The following SETBP1 variants were observed in gnomAD, a reference collection of about 807,000 sequenced individuals.
SETBP1 encodes SET-binding protein.
A neutral mutation model predicts 101.0 loss-of-function variants in SETBP1; 9 were observed. That is an observed-to-expected ratio of 0.09 (90% CI 0.05 to 0.16). The LOEUF (loss-of-function observed/expected upper bound fraction) is 0.16, where lower values mean the gene tolerates loss of function less well. Among genes scored for constraint, SETBP1 ranks in the 10% least tolerant of loss-of-function variants. The probability of loss-of-function intolerance (pLI) is 1.00; values close to 1 mark genes in which losing one functional copy is unlikely to be tolerated. For synonymous variants in SETBP1, 818 were observed against 788.5 expected (o/e 1.04, Z -0.63); for missense variants, 1,858 against 2,033.8 (o/e 0.91, Z 1.66).
At chr18:44,948,129 C>T (rs947756216) in intron 3 of SETBP1, among the ~76,000 whole-genome samples, 1 of 152,158 alleles carries the variant, frequency 6.6e-6, no homozygotes. Flanking sequence ...CGGATTAATT[C>T]TCTATATGTT....
intron 3 of SETBP1, among the ~76,000 whole-genome samples, chr18:44,886,337 G>A (rs1460936910): frequency 2.6e-5 from 4 of 152,082 alleles, no homozygotes; most frequent in Non-Finnish European, 5.9e-5. Flanking sequence ...TACAAATGAA[G>A]GATTTTCAAT....
At chr18:44,718,971 C>T (rs192145917) in intron 2 of SETBP1, among the ~76,000 whole-genome samples, 1 of 152,172 alleles carries the variant, frequency 6.6e-6, no homozygotes, top group East Asian at 1.9e-4. Context: ...AGTCAAGAAA[C>T]ACCTTCAAGC....
At chr18:45,005,947 T>A (rs1402752123) in intron 4 of SETBP1, among the ~76,000 whole-genome samples, 3 of 113,122 alleles carry the variant, frequency 2.7e-5, no homozygotes, top group African/African-American at 7.1e-5. Flanking sequence ...CACCCGGCCT[T>A]TTTTTTTTTT....
chr18:44,787,495 A>G (rs532716520), intron 2 of SETBP1, among the ~76,000 whole-genome samples: 2 of 152,290 alleles, frequency 1.3e-5, no homozygotes, highest in Admixed American at 1.3e-4. Flanking sequence ...AAATACACAG[A>G]CATGGAGTTT....
At chr18:44,872,236 C>T (rs1467507473) in intron 3 of SETBP1, 1 of 152,000 alleles carries the variant, frequency 6.6e-6, no homozygotes, top group Non-Finnish European at 1.5e-5. Flanking sequence ...GCTTTTTTCC[C>T]TCTAATATAA....
chr18:44,936,954 G>C (rs2070971790), intron 3 of SETBP1, among the ~76,000 whole-genome samples: 1 of 152,128 alleles, frequency 6.6e-6, no homozygotes, highest in Non-Finnish European at 1.5e-5. Flanking sequence ...TGCTAGAAAT[G>C]CCCAACTGAG....
At chr18:44,845,335 G>A (rs1175011757) in intron 2 of SETBP1, among the ~76,000 whole-genome samples, 1 of 152,030 alleles carries the variant, frequency 6.6e-6, no homozygotes, top group Non-Finnish European at 1.5e-5. Flanking sequence ...CATTTCCCTC[G>A]GCCCCTTTGG....
Position 45,004,191 on chromosome 18 carries a change from G to A in SETBP1, c.4001-34294G>A, listed in dbSNP as rs188008728. On this transcript the variant is annotated intron_variant, in intron 4 of 5. Coordinates refer to ENST00000649279, the MANE Select transcript of SETBP1 (RefSeq NM_015559.3). ...ATGGCATAGGTGTGAACATAGCCCC[G>A]GCAAAATATATGCACTTCTGCCTTC... Among the ~76,000 whole-genome samples, 34 of 152,284 alleles carry A rather than the reference G, an allele frequency of 2.2e-4. No homozygotes were observed. In the East Asian group the frequency reaches 2.5e-3, roughly 11 times the overall value.
At chr18:44,891,530 G>C (rs967446250) in intron 3 of SETBP1, among the ~76,000 whole-genome samples, 1 of 152,056 alleles carries the variant, frequency 6.6e-6, no homozygotes, top group African/African-American at 2.4e-5. Flanking sequence ...TTATAATGGG[G>C]CTTTGCACCA....
At chr18:44,953,795 G>A (rs1332674355) in intron 4 of SETBP1, among the ~76,000 whole-genome samples, 3 of 152,204 alleles carry the variant, frequency 2.0e-5, no homozygotes, top group African/African-American at 2.4e-5. Context: ...CACATCTAAT[G>A]TGAGAAGTCT....
chr18:44,740,850 A>C (rs2070079998), intron 2 of SETBP1, among the ~76,000 whole-genome samples: 1 of 152,194 alleles, frequency 6.6e-6, no homozygotes, highest in Non-Finnish European at 1.5e-5. Flanking sequence ...TGAAGTGATG[A>C]TCTACATTCA....
At chr18:44,707,289 C>T (rs1349258075) in intron 2 of SETBP1, among the ~76,000 whole-genome samples, 1 of 152,204 alleles carries the variant, frequency 6.6e-6, no homozygotes, top group African/African-American at 2.4e-5. Flanking sequence ...GCATAATCTG[C>T]CACATTTTCC....
At chr18:45,043,129 G>C (rs1460353652) in intron 5 of SETBP1, among the ~76,000 whole-genome samples, 1 of 152,124 alleles carries the variant, frequency 6.6e-6, no homozygotes, top group Non-Finnish European at 1.5e-5. Flanking sequence ...TGATTTTCTA[G>C]ATGTTGAACT....
At chr18:44,986,171 A>G (rs954222969) in intron 4 of SETBP1, 3 of 152,232 alleles carry the variant, frequency 2.0e-5, no homozygotes, top group African/African-American at 7.2e-5. Context: ...CTCCTAGGAT[A>G]CAAACCTGCC....
intron 5 of SETBP1, among the ~76,000 whole-genome samples, chr18:45,045,342 C>T (rs1184368734): frequency 6.6e-6 from 1 of 152,092 alleles, no homozygotes; most frequent in Admixed American, 6.5e-5. Flanking sequence ...GAATCACTTG[C>T]ACCTGCTGAA....
chr18:44,886,754 T>TTTATTATTATTA (rs4024294), intron 3 of SETBP1, among the ~76,000 whole-genome samples: 253 of 143,088 alleles, frequency 1.8e-3, no homozygotes, highest in South Asian at 3.8e-3. Context: ...GACTGTACAT[T>TTTATTATTATTA]TTATTATTAT....
intron 5 of SETBP1, among the ~76,000 whole-genome samples, chr18:45,062,201 C>T (rs962833419): frequency 6.6e-6 from 1 of 152,218 alleles, no homozygotes; most frequent in Non-Finnish European, 1.5e-5. Flanking sequence ...GGCAGCAGCG[C>T]AGGACTTCCT....
intron 2 of SETBP1, among the ~76,000 whole-genome samples, chr18:44,843,781 G>C (rs2144541863): frequency 6.6e-6 from 1 of 152,290 alleles, no homozygotes; most frequent in East Asian, 1.9e-4. Context: ...TCTCACGTGA[G>C]GCTAGGCACA....
intron 3 of SETBP1, among the ~76,000 whole-genome samples, chr18:44,902,226 CTCTCTT>C (rs994487133): frequency 1.4e-4 from 6 of 41,828 alleles, no homozygotes; most frequent in Admixed American, 7.3e-4. Context: ...ACATATATCT[CTCTCTT>C]TCTCTCTCTC....
Sources: gnomAD v4.1 joint callset for allele counts (sites outside exome capture counted in the v4.1 genomes callset) on GRCh38, gnomAD v4.1.1 for gene constraint, MANE v1.5 for transcripts, NCBI Gene and HGNC (gene_info 2026-07-23, HGNC 2026-07-21) for gene names.